Variants in ANO10 observed in about 807,000 individuals in gnomAD.
ANO10 encodes anoctamin 10.
In ANO10, 77 loss-of-function variants were observed where a neutral mutation model predicts 74.7. That is an observed-to-expected ratio of 1.03 (90% CI 0.86 to 1.25). The LOEUF (loss-of-function observed/expected upper bound fraction) is 1.25, where lower values mean the gene tolerates loss of function less well. Among genes scored for constraint, ANO10 ranks in the 50% most tolerant of loss-of-function variants. The pLI is 0.00. For synonymous variants in ANO10, 279 were observed against 284.9 expected (o/e 0.98, Z 0.21); for missense variants, 721 against 778.1 (o/e 0.93, Z 0.87).
In ANO10 at chr3:43,592,042, G is replaced by C. The variant is rs574539280; in HGVS notation, c.472+6490C>G. Among the ~76,000 whole-genome samples the C allele has an allele frequency of 3.4e-3, 525 of 152,334 alleles. 1 individual carries two copies. Among genetic ancestry groups the C allele is most frequent in the Non-Finnish European group, 5.4e-3 (366 of 68,036 alleles). The stretch of plus-strand genomic sequence containing the variant: ...GATCGAACTGCAAGGCAGCAGCAAG[G>C]CTGGGGGAGGGGCGCCCGCCATTGC... On this transcript the variant is annotated intron_variant, in intron 4 of 12. Transcript: ENST00000292246.
At chr3:43,458,744 A>C (rs1238714213) in intron 11 of ANO10, among the ~76,000 whole-genome samples, 1 of 151,992 alleles carries the variant, frequency 6.6e-6, no homozygotes. Flanking sequence ...GCACCTATCA[A>C]CTCGTGATCT....
chr3:43,438,562 T>A lies in ANO10; in HGVS notation c.1798-5835A>T, dbSNP rs577404741. ...GAGTTCAAGACAAGCCTGACCAACA[T>A]GGTGAAACCCCGTCTCTGCTAAAAA... On this transcript the variant is annotated intron_variant, in intron 11 of 12. Coordinates refer to ENST00000292246, the MANE Select transcript of ANO10 (RefSeq NM_018075.5). Among the ~76,000 whole-genome samples the A allele has an allele frequency of 7.2e-4, 110 of 151,922 alleles. 1 individual carries two copies. The highest frequency in any genetic ancestry group is 2.6e-3 in the African/African-American group (106 of 41,414).
At chr3:43,616,609 C>T (rs2083120591) in intron 1 of ANO10, among the ~76,000 whole-genome samples, 1 of 152,170 alleles carries the variant, frequency 6.6e-6, no homozygotes, top group African/African-American at 2.4e-5. Flanking sequence ...CCCTTTAAGG[C>T]TCCAGGACAT....
At chr3:43,639,561 G>A (rs2083650426) in intron 1 of ANO10, among the ~76,000 whole-genome samples, 1 of 152,104 alleles carries the variant, frequency 6.6e-6, no homozygotes, top group African/African-American at 2.4e-5. Flanking sequence ...TCAGGAGATT[G>A]AGACCATCCT....
At chr3:43,542,096 T>A (rs1280980740) in intron 11 of ANO10, among the ~76,000 whole-genome samples, 1 of 152,154 alleles carries the variant, frequency 6.6e-6, no homozygotes, top group Non-Finnish European at 1.5e-5. Context: ...AAAAAAGATC[T>A]GCTGTAAAAG....
rs1479164283 is a variant in ANO10, at chr3:43,414,868, G to A, written c.1914+17743C>T. 2.0e-5 allele frequency among the ~76,000 whole-genome samples: 3 copies of A among 151,242 alleles called. No individual in the cohort carries two copies. The East Asian group carries it at 5.8e-4, about 29-fold the overall frequency. On this transcript the variant is annotated intron_variant, in intron 12 of 12. Transcript: ENST00000292246. Reference sequence around the variant, plus strand: ...TATACCCATGTGCTCTGTTCATTCTGCATCTTCCTAATTGATATGGTAGAA... The same window carrying A: ...TATACCCATGTGCTCTGTTCATTCTACATCTTCCTAATTGATATGGTAGAA...
intron 1 of ANO10, chr3:43,690,386 TAG>T (rs895560698): frequency 2.6e-5 from 4 of 152,338 alleles, no homozygotes; most frequent in African/African-American, 7.2e-5. Flanking sequence ...CCCAGGTATC[TAG>T]AGAGTCGAGT....
intron 12 of ANO10, among the ~76,000 whole-genome samples, chr3:43,415,151 A>AT (rs1264828038): frequency 6.6e-6 from 1 of 150,846 alleles, no homozygotes; most frequent in African/African-American, 2.4e-5. Flanking sequence ...ATTATTTTCT[A>AT]TTTTTAGTGG....
intron 11 of ANO10, among the ~76,000 whole-genome samples, chr3:43,547,404 A>T (rs1186712398): frequency 6.6e-6 from 1 of 152,206 alleles, no homozygotes; most frequent in Non-Finnish European, 1.5e-5. Context: ...ATTTTCTCAT[A>T]GTCTGGAGGC....
At chr3:43,673,136 A>G (rs779106595) in intron 1 of ANO10, among the ~76,000 whole-genome samples, 3 of 152,222 alleles carry the variant, frequency 2.0e-5, no homozygotes, top group Admixed American at 6.5e-5. Flanking sequence ...TGATGGGTGA[A>G]AATTCTTCCC....
chr3:43,596,504 A>G (rs561156171), intron 4 of ANO10, among the ~76,000 whole-genome samples: 2 of 152,200 alleles, frequency 1.3e-5, no homozygotes, highest in Admixed American at 1.3e-4. Context: ...CAAAAACAAG[A>G]AATAGGGAAA....
chr3:43,565,960 G>A (rs866734502), intron 7 of ANO10, among the ~76,000 whole-genome samples: 6 of 152,192 alleles, frequency 3.9e-5, no homozygotes, highest in Middle Eastern at 3.4e-3. Flanking sequence ...GACAGTGGAC[G>A]CAGGTCAGTG....
intron 2 of ANO10, among the ~76,000 whole-genome samples, chr3:43,604,179 T>G (rs2082456654): frequency 6.6e-6 from 1 of 151,874 alleles, no homozygotes; most frequent in South Asian, 2.1e-4. Flanking sequence ...ATCAGGGTAG[T>G]TAGCATACCC....
chr3:43,370,156 A>T (rs56282728), intron 12 of ANO10, among the ~76,000 whole-genome samples: 3,930 of 152,196 alleles, frequency 0.026, 177 homozygotes, highest in African/African-American at 0.087. Flanking sequence ...AGCACTTCCC[A>T]CACCCTCCCC....
chr3:43,375,410 T>C (rs1334324102), intron 12 of ANO10, among the ~76,000 whole-genome samples: 1 of 152,060 alleles, frequency 6.6e-6, no homozygotes, highest in African/African-American at 2.4e-5. Flanking sequence ...AATGCACCAT[T>C]GCACTCCAGC....
At chr3:43,387,233 T>C (rs972993442) in intron 12 of ANO10, among the ~76,000 whole-genome samples, 2 of 152,280 alleles carry the variant, frequency 1.3e-5, no homozygotes, top group South Asian at 4.1e-4. Flanking sequence ...TATCTAAACA[T>C]AGAAAAGTAC....
intron 1 of ANO10, among the ~76,000 whole-genome samples, chr3:43,674,386 G>T (rs1229650645): frequency 6.6e-6 from 1 of 152,126 alleles, no homozygotes; most frequent in African/African-American, 2.4e-5. Flanking sequence ...CTAGCCTCAA[G>T]TATTCTTCCT....
chr3:43,593,862 A>T (rs1184697383), intron 4 of ANO10, among the ~76,000 whole-genome samples: 1 of 152,182 alleles, frequency 6.6e-6, no homozygotes, highest in Non-Finnish European at 1.5e-5. Context: ...TATTCAGGAG[A>T]CCCATCTCAC....
intron 11 of ANO10, among the ~76,000 whole-genome samples, chr3:43,445,811 C>A (rs1422953327): frequency 2.0e-5 from 3 of 152,190 alleles, no homozygotes; most frequent in Admixed American, 6.5e-5. Flanking sequence ...GTGATCTTCC[C>A]ACCTCAGCCT....
Sources: gnomAD v4.1 joint callset for allele counts (sites outside exome capture counted in the v4.1 genomes callset) on GRCh38, gnomAD v4.1.1 for gene constraint, MANE v1.5 for transcripts, NCBI Gene and HGNC (gene_info 2026-07-23, HGNC 2026-07-21) for gene names.